The following NCBP1 variants were observed in gnomAD, a reference collection of about 807,000 sequenced individuals.
The protein encoded by NCBP1 is nuclear cap binding protein subunit 1, also known as nuclear cap-binding protein subunit 1.
In NCBP1, 16 loss-of-function variants were observed where a neutral mutation model predicts 111.7. The observed-to-expected ratio is 0.14, with a 90% confidence interval of 0.10 to 0.22. The LOEUF (loss-of-function observed/expected upper bound fraction) is 0.22, where lower values mean the gene tolerates loss of function less well. Among genes scored for constraint, NCBP1 ranks in the 10% least tolerant of loss-of-function variants. NCBP1 has a pLI of 1.00. For synonymous variants in NCBP1, 304 were observed against 314.3 expected, an observed-to-expected ratio of 0.97 and a Z score of 0.35; for missense variants, 607 against 957.5, an observed-to-expected ratio of 0.63 and a Z score of 4.83.
chr9:97,665,015 A>T (rs1324392976), intron 19 of NCBP1, among the ~76,000 whole-genome samples: 1 of 152,204 alleles, frequency 6.6e-6, no homozygotes, highest in Non-Finnish European at 1.5e-5. Context: ...GTTCTTATTT[A>T]TGAAGTTCAC....
At chr9:97,652,095 C>T (rs148586151) in intron 10 of NCBP1, among the ~76,000 whole-genome samples, 385 of 152,302 alleles carry the variant, frequency 2.5e-3, no homozygotes, top group African/African-American at 8.4e-3. Flanking sequence ...CCTCCGCCTC[C>T]GGGGTTCAAG....
intron 10 of NCBP1, 31 bp from the exon 11 acceptor site, chr9:97,653,767 G>T: frequency 6.5e-7 from 1 of 1,542,868 alleles, no homozygotes; most frequent in South Asian, 1.1e-5. Flanking sequence ...ATAGCAGTTG[G>T]ATTGAATTGT....
intron 8 of NCBP1, among the ~76,000 whole-genome samples, chr9:97,648,838 T>C (rs1318078393): frequency 2.6e-5 from 4 of 152,134 alleles, no homozygotes; most frequent in African/African-American, 9.7e-5. Flanking sequence ...GCCTCCTGAG[T>C]AGCTGGGACC....
intron 1 of NCBP1, among the ~76,000 whole-genome samples, chr9:97,634,853 T>G (rs1185599523): frequency 6.6e-6 from 1 of 152,196 alleles, no homozygotes; most frequent in Non-Finnish European, 1.5e-5. Flanking sequence ...ATTTACTTGG[T>G]GATCTTGTCC....
intron 8 of NCBP1, among the ~76,000 whole-genome samples, chr9:97,649,541 A>G (rs1441069594): frequency 6.6e-6 from 1 of 152,220 alleles, no homozygotes; most frequent in Non-Finnish European, 1.5e-5. Context: ...GTAGGAATTT[A>G]GTATATATGT....
intron 2 of NCBP1, among the ~76,000 whole-genome samples, chr9:97,641,325 C>G (rs1827197805): frequency 6.6e-6 from 1 of 152,036 alleles, no homozygotes; most frequent in Non-Finnish European, 1.5e-5. Flanking sequence ...CAATAACTAT[C>G]TGAATTGATT....
In NCBP1 at chr9:97,664,284, T is replaced by C. The variant is rs1431705394; in HGVS notation, c.1798-56T>C. On this transcript the variant is annotated intron_variant, in intron 18 of 22. Coordinates refer to ENST00000375147, the MANE Select transcript of NCBP1 (RefSeq NM_002486.5). ...TTTATAGCAGCAGTGTGGTGGCACA[T>C]ATATATGTGTGTGTATGTGTGTGTG... 5 of 1,121,766 alleles carry C rather than the reference T, an allele frequency of 4.5e-6. No homozygotes were observed. The East Asian group carries it at 1.2e-4, about 27-fold the overall frequency. The allele number at this position is 1,121,766 out of a possible 1,614,324, so 69.5% of individuals were successfully genotyped here.
At chr9:97,658,134 G>C (rs1212397789) in intron 14 of NCBP1, among the ~76,000 whole-genome samples, 1 of 150,868 alleles carries the variant, frequency 6.6e-6, no homozygotes, top group Admixed American at 6.6e-5. Context: ...TTGCCATTGG[G>C]GTGTCATTGG....
chr9:97,643,535 T>G (rs1490280081), intron 4 of NCBP1, among the ~76,000 whole-genome samples, 175 bp downstream of exon 4: 1 of 152,126 alleles, frequency 6.6e-6, no homozygotes, highest in Admixed American at 6.6e-5. Flanking sequence ...TCTCCAACCT[T>G]TCTCCTGAGC....
At chr9:97,663,471 G>A (rs145177970) in intron 18 of NCBP1, among the ~76,000 whole-genome samples, 1 of 152,022 alleles carries the variant, frequency 6.6e-6, no homozygotes, top group Non-Finnish European at 1.5e-5. Context: ...TTTTGAATAC[G>A]TATTAGTACC....
At chr9:97,642,142 T>C (rs1827222247) in intron 3 of NCBP1, among the ~76,000 whole-genome samples, 1 of 152,098 alleles carries the variant, frequency 6.6e-6, no homozygotes, top group African/African-American at 2.4e-5. Flanking sequence ...GAGGTGTTTT[T>C]AAATTATGAA....
intron 19 of NCBP1, among the ~76,000 whole-genome samples, chr9:97,665,565 A>G (rs1001893821): frequency 1.3e-5 from 2 of 152,200 alleles, no homozygotes; most frequent in African/African-American, 4.8e-5. Context: ...TTCCCTGACT[A>G]TAGTCCACCC....
intron 18 of NCBP1, 121 bp from the exon 19 acceptor site, chr9:97,664,219 T>C: frequency 1.8e-6 from 1 of 561,520 alleles, no homozygotes; most frequent in Non-Finnish European, 3.1e-6. Context: ...ATCAATTCCA[T>C]AGCCACCAAA....
chr9:97,643,587 T>A (rs1827258640), intron 4 of NCBP1, among the ~76,000 whole-genome samples: 1 of 152,160 alleles, frequency 6.6e-6, no homozygotes, highest in African/African-American at 2.4e-5. Flanking sequence ...AGCCTTCAGA[T>A]ACCTTACTAG....
chr9:97,653,683 C>A, intron 10 of NCBP1, 115 bp from the exon 11 acceptor site: 7 of 642,186 alleles, frequency 1.1e-5, no homozygotes, highest in Admixed American at 3.3e-5. Flanking sequence ...AAAAGTAATT[C>A]CATTTTCATA....
intron 3 of NCBP1, 84 bp downstream of exon 3, chr9:97,641,746 T>G: frequency 7.6e-7 from 1 of 1,315,340 alleles, no homozygotes. Flanking sequence ...AAATACATGT[T>G]TATGTTCTAT....
intron 15 of NCBP1, among the ~76,000 whole-genome samples, chr9:97,659,800 G>T (rs59205756): frequency 0.097 from 14,822 of 152,110 alleles, 1,984 homozygotes; most frequent in African/African-American, 0.29. Context: ...CTTTCTTTTT[G>T]CCCCATAGGA....
At chr9:97,660,734 A>C (rs907835030) in intron 15 of NCBP1, among the ~76,000 whole-genome samples, 1 of 152,198 alleles carries the variant, frequency 6.6e-6, no homozygotes, top group Non-Finnish European at 1.5e-5. Flanking sequence ...TTGAAATGAG[A>C]ATTGTCCCTT....
intron 21 of NCBP1, among the ~76,000 whole-genome samples, 198 bp downstream of exon 21, chr9:97,669,172 C>T (rs1320149226): frequency 6.6e-6 from 1 of 151,874 alleles, no homozygotes; most frequent in Non-Finnish European, 1.5e-5. Context: ...CTGCTGTTTA[C>T]TTAGTATTCT....
Sources: allele counts gnomAD v4.1 joint callset (sites outside exome capture counted in the v4.1 genomes callset), GRCh38; gene constraint gnomAD v4.1.1; transcripts MANE v1.5; gene names NCBI Gene and HGNC (gene_info 2026-07-23, HGNC 2026-07-21).